Variants in FOLH1 observed in about 807,000 individuals in gnomAD.
FOLH1 encodes the protein folate hydrolase 1, also known as glutamate carboxypeptidase 2.
Under a neutral mutation model 93.9 loss-of-function variants are expected in FOLH1, and 54 were observed. That is an observed-to-expected ratio of 0.57 (90% CI 0.46 to 0.72). The LOEUF is 0.72. FOLH1 is among the 30% of genes least tolerant of loss of function. The pLI is 0.00. For missense variants in FOLH1, 571 were observed against 892.5 expected, an observed-to-expected ratio of 0.64 and a Z score of 4.59; for synonymous variants, 249 against 303.6, an observed-to-expected ratio of 0.82 and a Z score of 1.87.
chr11:49,153,820 C>T (rs1565130514), intron 17 of FOLH1, 26 bp downstream of exon 17: 3 of 1,484,382 alleles, frequency 2.0e-6, no homozygotes, highest in Non-Finnish European at 2.8e-6. Context: ...CACATACACA[C>T]ATATGCACAT....
At chr11:49,154,626 A>G (rs117725371) in intron 15 of FOLH1, 134 bp from the exon 16 acceptor site, 72,514 of 1,460,836 alleles carry the variant, frequency 0.05, 2,012 homozygotes, top group Non-Finnish European at 0.055. Flanking sequence ...TCAATAAGCT[A>G]CATCCTAAAT....
intron 7 of FOLH1, among the ~76,000 whole-genome samples, chr11:49,178,281 C>T (rs1329267067): frequency 6.6e-6 from 1 of 152,298 alleles, no homozygotes; most frequent in African/African-American, 2.4e-5. Context: ...TTTCCGGGAC[C>T]TCTCTCTGCA....
chr11:49,200,348 A>T lies in FOLH1; in HGVS notation c.318T>A (p.Asp106Glu). Residue 106 changes from aspartate (D) to glutamate (E), a missense_variant, in exon 3 of 19, where the codon GAT (aspartate) becomes GAA (glutamate). By Grantham distance (45) the Asp-to-Glu change is conservative (BLOSUM62 2). Transcript: ENST00000256999. ...CATCATAATGTGCTAGCTCAACAGA[A>T]TCCAGGCCAAATTCTTTCCACTGGG... Reference protein sequence around the residue: ...IQSQWKEFGLDSVELAHYDVL... With the variant: ...IQSQWKEFGLESVELAHYDVL... The T allele has an allele frequency of 6.2e-7, 1 of 1,613,596 alleles. No homozygotes were observed. The highest frequency in any genetic ancestry group is 8.5e-7 in the Non-Finnish European group (1 of 1,179,688).
At chr11:49,173,704 T>C (rs1190756346) in intron 9 of FOLH1, among the ~76,000 whole-genome samples, 2 of 152,160 alleles carry the variant, frequency 1.3e-5, no homozygotes, top group Non-Finnish European at 2.9e-5. Context: ...TGTATTACTA[T>C]AATTATAAGT....
intron 9 of FOLH1, among the ~76,000 whole-genome samples, chr11:49,174,487 G>T (rs1357771106): frequency 6.6e-6 from 1 of 152,012 alleles, no homozygotes; most frequent in Non-Finnish European, 1.5e-5. Flanking sequence ...ATTAATACAA[G>T]ATTATCTTAA....
chr11:49,175,037 A>G lies in FOLH1; in HGVS notation c.1020-60T>C, dbSNP rs571762836. ...AAACTGGTTAACAGATTAACACTAT[A>G]AGGTTTAAGGGAATTTTCCCCTCTG... On this transcript the variant is annotated intron_variant, in intron 8 of 18. Transcript: ENST00000256999. The G allele has an allele frequency of 2.6e-5, 38 of 1,481,744 alleles. No individual in the cohort carries two copies. In the Admixed American group the frequency reaches 6.0e-4, roughly 23 times the overall value. 91.8% of individuals were successfully genotyped at this position (1,481,744 alleles called of 1,614,324 possible). A position where few individuals can be genotyped will look rare whatever the true frequency, so the allele number is the denominator to read the frequency against.
intron 3 of FOLH1, among the ~76,000 whole-genome samples, chr11:49,197,505 T>G (rs963876645): frequency 1.2e-4 from 19 of 152,228 alleles, no homozygotes; most frequent in Admixed American, 1.2e-3. Flanking sequence ...TAAATCTTTA[T>G]GGGATGTTAT....
chr11:49,153,684 C>G lies in FOLH1; in HGVS notation c.1970+162G>C, dbSNP rs145844673. On this transcript the variant is annotated intron_variant, in intron 17 of 18. Coordinates refer to ENST00000256999, the MANE Select transcript of FOLH1 (RefSeq NM_004476.3). Reference sequence around the variant, plus strand: ...TGTATACCTATGTAACAAACCTGCACGTTCTGTCCATGTATCCAGCAACTT... The same window carrying G: ...TGTATACCTATGTAACAAACCTGCAGGTTCTGTCCATGTATCCAGCAACTT... Among the ~76,000 whole-genome samples the G allele has an allele frequency of 1.8e-3, 275 of 152,100 alleles. 1 individual carries two copies. The highest frequency in any genetic ancestry group is 6.2e-3 in the African/African-American group (257 of 41,516).
At chr11:49,173,975 A>G (rs943736029) in intron 9 of FOLH1, among the ~76,000 whole-genome samples, 1 of 152,100 alleles carries the variant, frequency 6.6e-6, no homozygotes, top group Admixed American at 6.6e-5. Context: ...CAGCTCAAGT[A>G]TTTTCTATAG....
intron 15 of FOLH1, among the ~76,000 whole-genome samples, chr11:49,156,035 C>A (rs1214164620): frequency 6.6e-6 from 1 of 151,338 alleles, no homozygotes; most frequent in African/African-American, 2.4e-5. Flanking sequence ...GTGAATAAGT[C>A]TCATGTGAGC....
At chr11:49,159,064 T>C (rs1304558728) in intron 13 of FOLH1, among the ~76,000 whole-genome samples, 1 of 152,214 alleles carries the variant, frequency 6.6e-6, no homozygotes, top group Non-Finnish European at 1.5e-5. Flanking sequence ...TATAGAATAA[T>C]GTCATCTGCA....
intron 12 of FOLH1, among the ~76,000 whole-genome samples, chr11:49,167,682 C>T (rs1195088541): frequency 6.6e-6 from 1 of 152,002 alleles, no homozygotes; most frequent in African/African-American, 2.4e-5. Context: ...GGATGTCTAG[C>T]GTTTGCCTGT....
chr11:49,180,763 T>C (rs1272273069), intron 7 of FOLH1, among the ~76,000 whole-genome samples: 2 of 152,210 alleles, frequency 1.3e-5, no homozygotes, highest in Non-Finnish European at 1.5e-5. Flanking sequence ...ATTCCACTTA[T>C]ATGGACTGTT....
At chr11:49,200,062 T>C (rs541755033) in intron 3 of FOLH1, among the ~76,000 whole-genome samples, 193 bp downstream of exon 3, 2 of 152,298 alleles carry the variant, frequency 1.3e-5, no homozygotes, top group East Asian at 3.9e-4. Flanking sequence ...CGAATCTTTC[T>C]AAAACACAGT....
chr11:49,193,872 T>C (rs1862329036), intron 3 of FOLH1, among the ~76,000 whole-genome samples: 1 of 151,902 alleles, frequency 6.6e-6, no homozygotes, highest in Admixed American at 6.6e-5. Flanking sequence ...AGAACAACAA[T>C]ATCCTGGCCA....
chr11:49,206,809 A>G (rs1214090523), intron 1 of FOLH1: 1 of 1,535,464 alleles, frequency 6.5e-7, no homozygotes, highest in Admixed American at 2.0e-5. Context: ...CAGTGCACGC[A>G]TAGGCGGCCA....
intron 17 of FOLH1, among the ~76,000 whole-genome samples, chr11:49,151,091 A>G (rs1444635601): frequency 2.0e-5 from 3 of 152,244 alleles, no homozygotes; most frequent in East Asian, 3.8e-4. Flanking sequence ...AGAAAGTTTT[A>G]GAGTGAAATA....
chr11:49,171,670 G>A (rs1383661894), intron 10 of FOLH1, among the ~76,000 whole-genome samples: 1 of 152,140 alleles, frequency 6.6e-6, no homozygotes, highest in Non-Finnish European at 1.5e-5. Flanking sequence ...CTTTCCTGTT[G>A]TTCTGACATC....
intron 2 of FOLH1, among the ~76,000 whole-genome samples, chr11:49,205,723 T>C (rs1315805830): frequency 1.3e-5 from 2 of 152,240 alleles, no homozygotes; most frequent in Non-Finnish European, 2.9e-5. Flanking sequence ...GAAATCCAAA[T>C]TTCAGTGCCC....
Sources: gnomAD v4.1 joint callset for allele counts (sites outside exome capture counted in the v4.1 genomes callset) on GRCh38, gnomAD v4.1.1 for gene constraint, MANE v1.5 for transcripts, NCBI Gene and HGNC (gene_info 2026-07-23, HGNC 2026-07-21) for gene names.